SBNO2: variants seen among roughly 807,000 people sequenced by gnomAD.
SBNO2 encodes the protein protein strawberry notch homolog 2.
SBNO2 carries 89 observed loss-of-function variants against 146.3 expected under a neutral mutation model. The observed-to-expected ratio is 0.61, with a 90% CI of 0.51 to 0.73. The LOEUF (loss-of-function observed/expected upper bound fraction) is 0.73. SBNO2 is among the 30% of genes least tolerant of loss of function. SBNO2 has a pLI of 0.00. For missense variants in SBNO2, 2,092 were observed against 2,003.7 expected (o/e 1.04, Z -0.84); for synonymous variants, 1,147 against 892.6 (o/e 1.29, Z -5.08).
In SBNO2 at chr19:1,108,079, G is replaced by C; in HGVS notation, c.*141C>G. ...GCCAGGGCTGACCAGGTGGGGGCCC[G>C]GGTCGGGCGCTGAAGGCACTGCGGC... On this transcript the variant is annotated 3_prime_UTR_variant, in exon 32 of 32. Coordinates refer to ENST00000361757, the MANE Select transcript of SBNO2 (RefSeq NM_014963.3). 1.0e-6 allele frequency: 1 copy of C among 977,664 alleles called. No homozygotes were observed. Among genetic ancestry groups the C allele is most frequent in the Non-Finnish European group, 1.4e-6 (1 of 728,610 alleles). The allele number at this position is 977,664 out of a possible 1,614,324, so 60.6% of individuals were successfully genotyped here.
chr19:1,132,050 GC>G, intron 4 of SBNO2: 1 of 1,467,528 alleles, frequency 6.8e-7, no homozygotes. Context: ...CCAGACCCCT[GC>G]CCCCGAGGGC....
intron 1 of SBNO2, among the ~76,000 whole-genome samples, chr19:1,172,396 T>A (rs541951587): frequency 6.6e-6 from 1 of 152,020 alleles, no homozygotes; most frequent in Non-Finnish European, 1.5e-5. Context: ...ACGACCAGGG[T>A]CACCCCTGGG....
In SBNO2 at chr19:1,110,583, C is replaced by T. The variant is rs993052699; in HGVS notation, c.3028+162G>A. ...CCACCTGGGATGCCCGGCGTTCCCA[C>T]GAGCCCCTCGCCCACCCGGGATGCA... On this transcript the variant is annotated intron_variant, in intron 26 of 31. Transcript: ENST00000361757. This position sits in a 1 kb window ranked among gnomAD's most constrained non-coding sequence, Gnocchi z 4.9. 41 of 808,912 alleles carry T rather than the reference C, an allele frequency of 5.1e-5. No homozygotes were observed. Among genetic ancestry groups the T allele is most frequent in the Middle Eastern group, 4.0e-4 (1 of 2,496 alleles). 50.1% of individuals were successfully genotyped at this position (808,912 alleles called of 1,614,324 possible). A position where few individuals can be genotyped will look rare whatever the true frequency, so the allele number is the denominator to read the frequency against.
At chr19:1,119,386 G>A (rs543693224) in intron 13 of SBNO2, 130 bp downstream of exon 13, 6 of 886,792 alleles carry the variant, frequency 6.8e-6, no homozygotes, top group Middle Eastern at 3.1e-4. Flanking sequence ...GCAGTGAAAC[G>A]AGCGACCCAC....
intron 5 of SBNO2, 168 bp from the exon 6 acceptor site, chr19:1,124,190 C>T: frequency 2.9e-6 from 2 of 679,914 alleles, no homozygotes; most frequent in South Asian, 3.3e-5. Flanking sequence ...CAGGGTGACC[C>T]TGGTGCCTCC....
Position 1,122,300 on chromosome 19 carries a change from A to C in SBNO2, c.1006-18T>G. 1 of 1,546,890 alleles carries C rather than the reference A, an allele frequency of 6.5e-7. No individual in the cohort carries two copies. Among genetic ancestry groups the C allele is most frequent in the Non-Finnish European group, 8.7e-7 (1 of 1,143,232 alleles). ...TACTTGATCTGGGGATGCACAGAAC[A>C]GGTGTGGAATGGGGCCCCGGCTCAG... On this transcript the variant is annotated intron_variant, in intron 10 of 31. Transcript: ENST00000361757.
At chr19:1,172,520 T>C (rs1304052482) in intron 1 of SBNO2, among the ~76,000 whole-genome samples, 1 of 152,156 alleles carries the variant, frequency 6.6e-6, no homozygotes, top group Non-Finnish European at 1.5e-5. Flanking sequence ...ATGTCCCCGC[T>C]GCTCCTCTTC....
intron 1 of SBNO2, among the ~76,000 whole-genome samples, chr19:1,166,817 T>C (rs1235110560): frequency 6.6e-6 from 1 of 152,130 alleles, no homozygotes; most frequent in African/African-American, 2.4e-5. Flanking sequence ...CTTCAATCCA[T>C]GTGGAGGGTA....
At chr19:1,154,889 G>A (rs73918354) in intron 1 of SBNO2, among the ~76,000 whole-genome samples, 14 of 152,336 alleles carry the variant, frequency 9.2e-5, no homozygotes, top group African/African-American at 2.9e-4. Context: ...AAGGAGGGGG[G>A]TCAGGGGCCA....
In SBNO2 at chr19:1,114,282, C is replaced by T. The variant is rs1436618089; in HGVS notation, c.2026G>A (p.Asp676Asn). 1 of 1,550,104 alleles carries T rather than the reference C, an allele frequency of 6.5e-7. No individual in the cohort carries two copies. The highest frequency in any genetic ancestry group is 1.2e-5 in the South Asian group (1 of 83,794). Residue 676 changes from aspartate (D) to asparagine (N), a missense_variant, in exon 18 of 32, where the codon GAT (aspartate) becomes AAT (asparagine). Transcript: ENST00000361757. The stretch of plus-strand genomic sequence containing the variant: ...GCATCAACGATGACAACGTCGTCAT[C>T]CACCAGGGACTCGGGGGAGGAGTTG... ...DFNSSPESLV[D>N]DDVVIVDAVG...
intron 7 of SBNO2, 151 bp downstream of exon 7, chr19:1,123,383 T>C (rs1413125579): frequency 2.9e-6 from 2 of 681,844 alleles, no homozygotes; most frequent in Non-Finnish European, 5.0e-6. Flanking sequence ...TGTATAAGCC[T>C]GGATTGTAGA....
At chr19:1,128,094 G>A (rs568328304) in intron 4 of SBNO2, 1 of 518,132 alleles carries the variant, frequency 1.9e-6, no homozygotes, top group South Asian at 1.6e-5. Flanking sequence ...GGGATTACAG[G>A]CGTGAGCCAC....
chr19:1,117,048 G>T, intron 15 of SBNO2, 122 bp from the exon 16 acceptor site: 1 of 990,934 alleles, frequency 1.0e-6, no homozygotes, highest in Non-Finnish European at 1.5e-6. Context: ...CGCCTCCCCA[G>T]GAGGGGCCAC....
At chr19:1,159,860 T>C (rs1488646506) in intron 1 of SBNO2, among the ~76,000 whole-genome samples, 1 of 151,624 alleles carries the variant, frequency 6.6e-6, no homozygotes, top group African/African-American at 2.4e-5. Context: ...GTTCCCCTAC[T>C]CCTGGGCCAA....
chr19:1,115,864 C>T, intron 17 of SBNO2, 157 bp downstream of exon 17: 1 of 692,358 alleles, frequency 1.4e-6, no homozygotes, highest in South Asian at 1.5e-5. Flanking sequence ...GCAAGACCTG[C>T]CACTGGCAGC....
intron 13 of SBNO2, 131 bp downstream of exon 13, chr19:1,119,385 C>T (rs1478191202): frequency 6.8e-6 from 6 of 886,124 alleles, no homozygotes; most frequent in African/African-American, 5.1e-5. Context: ...GGCAGTGAAA[C>T]GAGCGACCCA....
chr19:1,133,618 G>A (rs1376816373), intron 4 of SBNO2, among the ~76,000 whole-genome samples: 1 of 152,202 alleles, frequency 6.6e-6, no homozygotes, highest in Non-Finnish European at 1.5e-5. Flanking sequence ...GTGCCGCTGG[G>A]GCGAGGGGCC....
At chr19:1,169,203 AC>A (rs1275520639) in intron 1 of SBNO2, 1 of 152,252 alleles carries the variant, frequency 6.6e-6, no homozygotes, top group Admixed American at 6.5e-5. Flanking sequence ...GCTGCCCGGG[AC>A]AGTGCCTGCA....
chr19:1,123,965 T>C lies in SBNO2; in HGVS notation c.499A>G (p.Thr167Ala). ...ACCTGGTAGCTGACGAGAAGCGGGG[T>C]GCTGTGGGAGGGCAGAAAGTCCTCG... ...GFEDFLPSHS[T>A]PLLVSYQEQS... Residue 167 changes from threonine to alanine, a missense_variant, in exon 6 of 32, where the codon ACC (threonine) becomes GCC (alanine). By Grantham distance (58) the Thr-to-Ala change is moderately conservative. Coordinates refer to ENST00000361757, the MANE Select transcript of SBNO2 (RefSeq NM_014963.3). 4 of 1,610,966 alleles carry C rather than the reference T, an allele frequency of 2.5e-6. No individual in the cohort carries two copies. The highest frequency in any genetic ancestry group is 3.4e-6 in the Non-Finnish European group (4 of 1,179,034).
Sources: allele counts gnomAD v4.1 joint callset (sites outside exome capture counted in the v4.1 genomes callset), GRCh38; gene constraint gnomAD v4.1.1; non-coding constraint Gnocchi (gnomAD v3.1); transcripts MANE v1.5; gene names NCBI Gene and HGNC (gene_info 2026-07-23, HGNC 2026-07-21).